The following RYR1 variants were observed in gnomAD, a reference collection of about 807,000 sequenced individuals.
The protein encoded by RYR1 is ryanodine receptor 1, also known as central core disease of muscle.
In RYR1, 342 loss-of-function variants were observed where a neutral mutation model predicts 583.5. That is an observed-to-expected ratio of 0.59 (90% CI 0.54 to 0.64). The LOEUF (loss-of-function observed/expected upper bound fraction) is 0.64. RYR1 is among the 30% of genes least tolerant of loss of function. The pLI is 0.00. For synonymous variants in RYR1, 2,791 were observed against 2,822.5 expected (o/e 0.99, Z 0.35); for missense variants, 6,032 against 6,917.2 (o/e 0.87, Z 4.54).
chr19:38,522,113 G>C (rs1971252039), intron 67 of RYR1, among the ~76,000 whole-genome samples: 1 of 152,066 alleles, frequency 6.6e-6, no homozygotes, highest in Non-Finnish European at 1.5e-5. Flanking sequence ...AGTACTTCCA[G>C]GGACCAGAAA....
intron 67 of RYR1, among the ~76,000 whole-genome samples, chr19:38,520,280 G>A (rs1344806347): frequency 6.7e-6 from 1 of 149,994 alleles, no homozygotes; most frequent in Non-Finnish European, 1.5e-5. Flanking sequence ...TGCCCAGGTT[G>A]GTCTTGAATT....
rs1973747259 is a variant in RYR1, at chr19:38,572,194, A to G, written c.13922A>G (p.Glu4641Gly). The stretch of plus-strand genomic sequence containing the variant: ...CTGGAGGAAAGCACAGGCTACATGG[A>G]ACCCGCCCTGCGGTGTCTGAGCCTC... ...YFLEESTGYM[E>G]PALRCLSLLH... The change falls in exon 95 of 106, where the codon GAA (glutamate) becomes GGA (glycine). Residue 4641 changes from glutamate (E) to glycine (G), a missense_variant. Glu to Gly is a moderately conservative substitution (Grantham distance 98). This residue lies in a region of RYR1 where 188 missense variants were observed against 215.6 expected (regional missense o/e 0.87). Transcript: ENST00000359596. 2 of 1,613,832 alleles carry G rather than the reference A, an allele frequency of 1.2e-6. No homozygotes were observed. The highest frequency in any genetic ancestry group is 1.7e-6 in the Non-Finnish European group (2 of 1,179,998).
In RYR1 at chr19:38,565,753, C is replaced by T. The variant is rs1028389242; in HGVS notation, c.13419C>T (p.Ile4473=). 13 of 1,412,644 alleles carry T rather than the reference C, an allele frequency of 9.2e-6. No individual in the cohort carries two copies. The highest frequency in any genetic ancestry group is 1.5e-5 in the African/African-American group (1 of 66,154). The allele number at this position is 1,412,644 out of a possible 1,614,324, so 87.5% of individuals were successfully genotyped here. A position where few individuals can be genotyped will look rare whatever the true frequency, so the allele number is the denominator to read the frequency against. Residue 4473 remains isoleucine (I), a synonymous_variant, in exon 91 of 106, where the codon ATC becomes ATT. Coordinates refer to ENST00000359596, the MANE Select transcript of RYR1 (RefSeq NM_000540.3). This position sits in a 1 kb window ranked among gnomAD's most constrained non-coding sequence, Gnocchi z 4.7. ...CGCCCACACCCGAGGGCTCTCCCAT[C>T]CTCAAGAGGAAATTGGGGGTGAGAG... is the stretch of plus-strand genomic sequence containing the variant. ...AEPPTPEGSP[I]LKRKLGVDGV... is the part of the protein sequence containing the mutation.
At chr19:38,467,460 A>G (rs537965638) in intron 24 of RYR1, 150 bp from the exon 25 acceptor site, 3 of 856,982 alleles carry the variant, frequency 3.5e-6, no homozygotes, top group South Asian at 1.4e-5. Flanking sequence ...GAGGTTCCCC[A>G]ATTCTCCTCT....
chr19:38,549,875 TTGTGTGTGTG>T (rs150566334), intron 89 of RYR1, among the ~76,000 whole-genome samples: 1,392 of 122,238 alleles, frequency 0.011, 17 homozygotes, highest in African/African-American at 0.021. Flanking sequence ...CCAGCTAAAT[TTGTGTGTGTG>T]TGTGTGTGTG....
At chr19:38,534,359 G>A (rs1023053461) in intron 78 of RYR1, among the ~76,000 whole-genome samples, 8 of 152,110 alleles carry the variant, frequency 5.3e-5, no homozygotes, top group South Asian at 2.1e-4. Context: ...TGCTAATATC[G>A]CTGTGATTTA....
intron 67 of RYR1, among the ~76,000 whole-genome samples, chr19:38,521,709 AAGAAAATT>A (rs755901834): frequency 4.5e-4 from 68 of 151,582 alleles, no homozygotes; most frequent in Admixed American, 9.9e-4. Flanking sequence ...AAAAGAAAAA[AAGAAAATT>A]TTTTTTTTTT....
In RYR1 at chr19:38,523,053, C is replaced by A; in HGVS notation, c.10285C>A (p.Pro3429Thr). The A allele has an allele frequency of 6.2e-7, 1 of 1,608,796 alleles. No homozygotes were observed. Reference protein sequence around the residue: ...NRAQWLTEPNPSAEELFRMVG... With the variant: ...NRAQWLTEPNTSAEELFRMVG... Reference sequence around the variant, plus strand: ...GGCGCAGTGGCTGACGGAGCCGAATCCCAGCGCGGAGGAGCTGTTCAGGAT... The same window carrying A: ...GGCGCAGTGGCTGACGGAGCCGAATACCAGCGCGGAGGAGCTGTTCAGGAT... The change falls in exon 68 of 106, where the codon CCC becomes ACC. Residue 3429 changes from proline to threonine, a missense_variant. Physicochemically the swap from Pro to Thr is conservative, Grantham distance 38. Coordinates refer to ENST00000359596, the MANE Select transcript of RYR1 (RefSeq NM_000540.3).
rs572386434 is a variant in RYR1, at chr19:38,492,263, G to A, written c.6128-227G>A. ...ACCTGTAGTCCCAGCTACTCAGGAGGCTGAGGTAGGAGGATGGCTTGAGCC... is the reference window on the plus strand; with the variant it reads ...ACCTGTAGTCCCAGCTACTCAGGAGACTGAGGTAGGAGGATGGCTTGAGCC... On this transcript the variant is annotated intron_variant, in intron 37 of 105. Transcript: ENST00000359596. Among the ~76,000 whole-genome samples, 5 of 151,934 alleles carry A rather than the reference G, an allele frequency of 3.3e-5. No individual in the cohort carries two copies. The South Asian group carries it at 1.0e-3, about 32-fold the overall frequency.
chr19:38,474,419 T>A (rs1467175524), intron 28 of RYR1, among the ~76,000 whole-genome samples: 1 of 150,700 alleles, frequency 6.6e-6, no homozygotes, highest in Non-Finnish European at 1.5e-5. Context: ...CGCGCCACCA[T>A]GCCCAGCTAA....
chr19:38,541,013 AAC>A (rs1323540570), intron 84 of RYR1, among the ~76,000 whole-genome samples: 1 of 152,258 alleles, frequency 6.6e-6, no homozygotes, highest in Non-Finnish European at 1.5e-5. Context: ...ACTCAGCTTT[AAC>A]AGTTTGCTTT....
intron 42 of RYR1, among the ~76,000 whole-genome samples, chr19:38,497,847 A>T (rs1369998930): frequency 6.6e-6 from 1 of 151,998 alleles, no homozygotes; most frequent in Non-Finnish European, 1.5e-5. Flanking sequence ...AGTGGCACGT[A>T]ACTGTAGTCC....
intron 97 of RYR1, among the ~76,000 whole-genome samples, chr19:38,577,571 C>A (rs150700249): frequency 6.6e-6 from 1 of 151,990 alleles, no homozygotes; most frequent in South Asian, 2.1e-4. Flanking sequence ...CCAAGGAGGG[C>A]AGATCACTTG....
At chr19:38,577,026 C>A (rs1274897115) in intron 97 of RYR1, among the ~76,000 whole-genome samples, 1 of 152,066 alleles carries the variant, frequency 6.6e-6, no homozygotes, top group Non-Finnish European at 1.5e-5. Flanking sequence ...GCTGGGATTA[C>A]AGGCACCCAC....
At chr19:38,473,269 G>T in intron 27 of RYR1, 108 bp from the exon 28 acceptor site, 1 of 1,365,388 alleles carries the variant, frequency 7.3e-7, no homozygotes, top group South Asian at 1.2e-5. Flanking sequence ...TAATTCCCAT[G>T]CAGGTGCACT....
In RYR1 at chr19:38,578,127, C is replaced by T. The variant is rs1246423268; in HGVS notation, c.14304-17C>T. ...AGTCTGACACTCAAGCATCTCTCCC[C>T]ACCCCCGCCCCCACAGGCTCATGTC... is the stretch of plus-strand genomic sequence containing the variant. On this transcript the variant is annotated splice_polypyrimidine_tract_variant and intron_variant, in intron 98 of 105. Coordinates refer to ENST00000359596, the MANE Select transcript of RYR1 (RefSeq NM_000540.3). 6.2e-7 allele frequency: 1 copy of T among 1,612,912 alleles called. No individual in the cohort carries two copies. Among genetic ancestry groups the T allele is most frequent in the Non-Finnish European group, 8.5e-7 (1 of 1,179,444 alleles).
At chr19:38,484,149 A>G (rs1216452860) in intron 33 of RYR1, among the ~76,000 whole-genome samples, 1 of 151,972 alleles carries the variant, frequency 6.6e-6, no homozygotes, top group African/African-American at 2.4e-5. Context: ...AAAATTAGCC[A>G]GTTGTGGTGG....
intron 91 of RYR1, 56 bp from the exon 92 acceptor site, chr19:38,566,855 C>T: frequency 1.3e-6 from 2 of 1,564,352 alleles, no homozygotes; most frequent in Non-Finnish European, 1.7e-6. Context: ...AGCAGGCAGG[C>T]AGCCTGAGAA....
chr19:38,528,768 C>T, intron 75 of RYR1, 73 bp downstream of exon 75: 1 of 1,518,088 alleles, frequency 6.6e-7, no homozygotes, highest in Non-Finnish European at 9.1e-7. Flanking sequence ...CCTTGGCACA[C>T]CTCCAGGGGT....
Sources: allele counts gnomAD v4.1 joint callset (sites outside exome capture counted in the v4.1 genomes callset), GRCh38; gene constraint gnomAD v4.1.1; regional missense constraint gnomAD v4.1.1; non-coding constraint Gnocchi (gnomAD v3.1); transcripts MANE v1.5; gene names NCBI Gene and HGNC (gene_info 2026-07-23, HGNC 2026-07-21).